The following ATRX variants were observed in gnomAD, a reference collection of about 807,000 sequenced individuals.
ATRX encodes chromatin remodeler ATRX.
ATRX carries 12 observed loss-of-function variants against 172.6 expected under a neutral mutation model. The ratio of observed to expected loss-of-function variants is 0.07; its 90% CI spans 0.04 to 0.11. The LOEUF (loss-of-function observed/expected upper bound fraction) is 0.11, where lower values mean the gene tolerates loss of function less well. Among genes scored for constraint, ATRX ranks in the 10% least tolerant of loss-of-function variants. ATRX has a pLI of 1.00. For missense variants in ATRX, 1,368 were observed against 1,767.4 expected, an observed-to-expected ratio of 0.77 and a Z score of 4.05; for synonymous variants, 674 against 594.7, an observed-to-expected ratio of 1.13 and a Z score of -1.94.
At position 77,654,128 on chromosome X, in the gene ATRX, C is replaced by T; in HGVS notation, c.4287G>A (p.Lys1429=). ...YKQKKKRRRI[K]VQEDSSSENK... is the part of the protein sequence containing the mutation. ...TTTCACTGGATGAATCTTCTTGAAC[C>T]TTAATACGTCGCCTTTTCTTTTTCT... Residue 1429 remains lysine, a synonymous_variant, in exon 14 of 35, where the codon AAG becomes AAA. Transcript: ENST00000373344. 1 of 1,210,235 alleles carries T rather than the reference C, an allele frequency of 8.3e-7. No homozygotes were observed. Among genetic ancestry groups the T allele is most frequent in the Non-Finnish European group, 1.1e-6 (1 of 894,444 alleles).
chrX:77,523,381 G>A lies in ATRX; in HGVS notation c.6720C>T (p.Leu2240=), dbSNP rs2147762424. The A allele has an allele frequency of 1.7e-6, 2 of 1,208,949 alleles. No individual in the cohort carries two copies. The highest frequency in any genetic ancestry group is 2.2e-6 in the Non-Finnish European group (2 of 893,384). ...MLPKDTILAE[L]LQIHKEHIVG... Reference sequence around the variant, plus strand: ...CAATGTGTTCTTTATGTATCTGAAGGAGCTCTGCAAGTATGGTATCCTGTT... The same window carrying A: ...CAATGTGTTCTTTATGTATCTGAAGAAGCTCTGCAAGTATGGTATCCTGTT... Residue 2240 remains leucine (L), a synonymous_variant, in exon 31 of 35, where the codon CTC becomes CTT. Transcript: ENST00000373344.
chrX:77,775,528 A>G lies in ATRX; in HGVS notation c.20+10454T>C, dbSNP rs181235781. 3.4e-3 allele frequency among the ~76,000 whole-genome samples: 375 copies of G among 109,741 alleles called. 3 individuals carry two copies. The highest frequency in any genetic ancestry group is 0.012 in the African/African-American group (356 of 30,182). ...CAAAAACTCATCTCCACAAAAAAAT[A>G]CAAAAATTAACTCAGCATGGTGGCA... On this transcript the variant is annotated intron_variant, in intron 1 of 34. Coordinates refer to ENST00000373344, the MANE Select transcript of ATRX (RefSeq NM_000489.6).
At chrX:77,729,124 C>CAAAAAA (rs782218800) in intron 1 of ATRX, among the ~76,000 whole-genome samples, 1 of 32,160 alleles carries the variant, frequency 3.1e-5, no homozygotes, top group Non-Finnish European at 6.8e-5. Flanking sequence ...CTCACAAAAG[C>CAAAAAA]AAAAAAAAAA....
At chrX:77,669,266 A>C (rs1557128114) in intron 10 of ATRX, among the ~76,000 whole-genome samples, 1 of 111,637 alleles carries the variant, frequency 9.0e-6, no homozygotes, top group African/African-American at 3.3e-5. Context: ...TCTACTTGTT[A>C]ATACTTGTAT....
rs2069186755 is a variant in ATRX at position 77,650,904 on chromosome X, T to C, written c.4557+1210A>G. Among the ~76,000 whole-genome samples the C allele has an allele frequency of 2.7e-5, 3 of 112,005 alleles. No homozygotes were observed. The Admixed American group carries it at 2.8e-4, about 11-fold the overall frequency. On this transcript the variant is annotated intron_variant, in intron 15 of 34. Transcript: ENST00000373344. ...CGCCAGGCCCATACCAACTATTTTT[T>C]AAAACTACTATGTGAGGCAATGAGA...
intron 1 of ATRX, among the ~76,000 whole-genome samples, chrX:77,775,888 C>T (rs1031230330): frequency 4.2e-4 from 46 of 110,440 alleles, no homozygotes; most frequent in Non-Finnish European, 7.2e-4. Context: ...TGCGCCACCA[C>T]GCCCGGCTAA....
At chrX:77,555,073 C>T (rs1275455400) in intron 30 of ATRX, among the ~76,000 whole-genome samples, 1 of 111,891 alleles carries the variant, frequency 8.9e-6, no homozygotes, top group South Asian at 3.8e-4. Context: ...CCCCTCTGTA[C>T]TTGCTTAGCC....
intron 1 of ATRX, among the ~76,000 whole-genome samples, chrX:77,777,693 A>C (rs1000218714): frequency 8.1e-5 from 9 of 111,710 alleles, no homozygotes; most frequent in Admixed American, 1.9e-4. Flanking sequence ...CTCAGAAATA[A>C]TTTTTTATCT....
At chrX:77,764,089 G>A (rs1557194291) in intron 1 of ATRX, among the ~76,000 whole-genome samples, 1 of 111,063 alleles carries the variant, frequency 9.0e-6, no homozygotes, top group Non-Finnish European at 1.9e-5. Flanking sequence ...ACTCTAGCCT[G>A]GGAGACAGAG....
At chrX:77,593,581 A>G (rs782685309) in intron 26 of ATRX, 115 bp downstream of exon 26, 412 of 835,667 alleles carry the variant, frequency 4.9e-4, no homozygotes, top group Non-Finnish European at 6.9e-4. Flanking sequence ...ATGACCAAAT[A>G]AATCACATCT....
chrX:77,697,457 G>T, intron 4 of ATRX, 126 bp downstream of exon 4: 1 of 573,440 alleles, frequency 1.7e-6, no homozygotes, highest in Non-Finnish European at 2.8e-6. Context: ...TTTCAAATAT[G>T]TATATTTGTA....
At chrX:77,508,832 T>C (rs964172169) in intron 34 of ATRX, among the ~76,000 whole-genome samples, 1 of 112,426 alleles carries the variant, frequency 8.9e-6, no homozygotes, top group African/African-American at 3.2e-5. Context: ...CTAAATTCTC[T>C]TAATGTCTTG....
chrX:77,505,938 C>G lies in ATRX; in HGVS notation c.*2413G>C, dbSNP rs2062698321. The G allele has an allele frequency of 5.9e-6, 1 of 168,507 alleles. No homozygotes were observed. The highest frequency in any genetic ancestry group is 3.0e-5 in the African/African-American group (1 of 33,631). The allele number at this position is 168,507 out of a possible 1,213,427, so 13.9% of individuals were successfully genotyped here. ...AATACAGAACTGAAAAGCAGTCTAA[C>G]AGAAACAAAGGCAAGTCTTCACAGC... On this transcript the variant is annotated 3_prime_UTR_variant, in exon 35 of 35. Coordinates refer to ENST00000373344, the MANE Select transcript of ATRX (RefSeq NM_000489.6).
chrX:77,523,457 T>A lies in ATRX; in HGVS notation c.6700-56A>T, dbSNP rs782810169. 1.7e-4 allele frequency: 191 copies of A among 1,108,596 alleles called. No individual in the cohort carries two copies. In the Middle Eastern group the frequency reaches 7.7e-3, roughly 45 times the overall value. 91.4% of individuals were successfully genotyped at this position (1,108,596 alleles called of 1,213,427 possible). A position where few individuals can be genotyped will look rare whatever the true frequency, so the allele number is the denominator to read the frequency against. On this transcript the variant is annotated intron_variant, in intron 30 of 34. Transcript: ENST00000373344. Reference sequence around the variant, plus strand: ...TATTTTTCCCCTCTGGACAGTATAATATCTCCATAGTTCTATGGTCAACTG... The same window carrying A: ...TATTTTTCCCCTCTGGACAGTATAAAATCTCCATAGTTCTATGGTCAACTG...
chrX:77,510,778 A>G (rs1426467526), intron 34 of ATRX, among the ~76,000 whole-genome samples: 1 of 112,230 alleles, frequency 8.9e-6, no homozygotes, highest in East Asian at 2.8e-4. Flanking sequence ...CCGAAGTAGA[A>G]TAGAGCTCCA....
At chrX:77,753,053 T>C (rs2075360942) in intron 1 of ATRX, among the ~76,000 whole-genome samples, 1 of 111,552 alleles carries the variant, frequency 9.0e-6, no homozygotes, top group Admixed American at 9.6e-5. Flanking sequence ...TACCAGCTCC[T>C]CTTTGTACCT....
intron 15 of ATRX, among the ~76,000 whole-genome samples, chrX:77,644,465 A>G (rs781833554): frequency 8.9e-6 from 1 of 112,282 alleles, no homozygotes; most frequent in Non-Finnish European, 1.9e-5. Flanking sequence ...CAAATACACA[A>G]TATGCAATTT....
intron 1 of ATRX, among the ~76,000 whole-genome samples, chrX:77,730,950 C>A (rs1265218554): frequency 9.1e-6 from 1 of 109,510 alleles, no homozygotes; most frequent in African/African-American, 3.3e-5. Context: ...AAACCAACCC[C>A]AAAATTAGAA....
chrX:77,615,853 GC>G, intron 22 of ATRX: 1 of 541,455 alleles, frequency 1.8e-6, no homozygotes, highest in African/African-American at 2.6e-5. Flanking sequence ...TTCACAATTG[GC>G]CAAAGAGCAC....
Sources: gnomAD v4.1 joint callset for allele counts (sites outside exome capture counted in the v4.1 genomes callset) on GRCh38, gnomAD v4.1.1 for gene constraint, MANE v1.5 for transcripts, NCBI Gene and HGNC (gene_info 2026-07-23, HGNC 2026-07-21) for gene names.